The following ADAM2 variants were observed in gnomAD, a reference collection of about 807,000 sequenced individuals.
ADAM2 encodes the protein ADAM metallopeptidase domain 2.
A neutral mutation model predicts 99.3 loss-of-function variants in ADAM2; 101 were observed. The ratio of observed to expected loss-of-function variants is 1.02; its 90% CI spans 0.87 to 1.20. The LOEUF is 1.20. ADAM2 is among the 50% of genes most tolerant of loss of function. The probability of loss-of-function intolerance (pLI) is 0.00; values close to 1 mark genes in which losing one functional copy is unlikely to be tolerated. For synonymous variants in ADAM2, 323 were observed against 287.6 expected, an observed-to-expected ratio of 1.12 and a Z score of -1.25; for missense variants, 948 against 878.7, an observed-to-expected ratio of 1.08 and a Z score of -1.00.
intron 7 of ADAM2, among the ~76,000 whole-genome samples, chr8:39,795,748 AATTG>A (rs1803910882): frequency 6.6e-6 from 1 of 152,090 alleles, no homozygotes; most frequent in Non-Finnish European, 1.5e-5. Context: ...AAACTTTCTA[AATTG>A]ATTGGTACCT....
chr8:39,747,059 A>G (rs1290853230), intron 18 of ADAM2, among the ~76,000 whole-genome samples: 3 of 152,178 alleles, frequency 2.0e-5, no homozygotes, highest in African/African-American at 7.2e-5. Context: ...CTATGCCTAT[A>G]GTTTTTTGTT....
At chr8:39,807,620 A>G (rs1804494137) in intron 7 of ADAM2, among the ~76,000 whole-genome samples, 1 of 152,152 alleles carries the variant, frequency 6.6e-6, no homozygotes, top group South Asian at 2.1e-4. Flanking sequence ...GGGAAGAGAT[A>G]CTAGAGAGTT....
intron 6 of ADAM2, among the ~76,000 whole-genome samples, chr8:39,812,792 G>A (rs1008998325): frequency 1.3e-5 from 2 of 152,128 alleles, no homozygotes; most frequent in African/African-American, 4.8e-5. Flanking sequence ...AGACTTAAAT[G>A]TTAGACCTAA....
intron 4 of ADAM2, among the ~76,000 whole-genome samples, chr8:39,824,319 T>C (rs1010959717): frequency 6.6e-6 from 1 of 150,790 alleles, no homozygotes; most frequent in African/African-American, 2.4e-5. Context: ...TGACTAATCC[T>C]GGCAATTTTA....
intron 15 of ADAM2, among the ~76,000 whole-genome samples, chr8:39,760,662 A>G (rs1488811429): frequency 6.6e-6 from 1 of 152,066 alleles, no homozygotes; most frequent in Non-Finnish European, 1.5e-5. Flanking sequence ...CGGAACTTGC[A>G]GTGAGCCGAG....
chr8:39,801,756 A>T (rs1400385620), intron 7 of ADAM2, among the ~76,000 whole-genome samples: 2 of 151,980 alleles, frequency 1.3e-5, no homozygotes. Context: ...CCCACTGAGG[A>T]GGATGTGTCA....
chr8:39,745,884 A>C (rs895371670), intron 19 of ADAM2, among the ~76,000 whole-genome samples: 9 of 152,138 alleles, frequency 5.9e-5, no homozygotes, highest in Non-Finnish European at 1.3e-4. Flanking sequence ...GATAAACTTT[A>C]AACTTGAATG....
chr8:39,749,935 CTG>C (rs1823656494), intron 16 of ADAM2, among the ~76,000 whole-genome samples, 191 bp from the exon 17 acceptor site: 1 of 151,978 alleles, frequency 6.6e-6, no homozygotes, highest in African/African-American at 2.4e-5. Context: ...AGATGAGACT[CTG>C]ATTATCTAGG....
intron 3 of ADAM2, among the ~76,000 whole-genome samples, chr8:39,831,797 G>A (rs1056668592): frequency 6.6e-6 from 1 of 152,086 alleles, no homozygotes; most frequent in Non-Finnish European, 1.5e-5. Context: ...AGAAATATGT[G>A]ATAGATAAGT....
In ADAM2 at chr8:39,766,705, G is replaced by C. The variant is rs978488931; in HGVS notation, c.1507+143C>G. ...TTACATGCGTGAGCCACCGCGCCTGGCCGTATTCTTCTCTTTCTATAATTC... is the reference window on the plus strand; with the variant it reads ...TTACATGCGTGAGCCACCGCGCCTGCCCGTATTCTTCTCTTTCTATAATTC... On this transcript the variant is annotated intron_variant, in intron 14 of 20. Coordinates refer to ENST00000265708, the MANE Select transcript of ADAM2 (RefSeq NM_001464.5). 92 of 699,262 alleles carry C rather than the reference G, an allele frequency of 1.3e-4. 1 individual carries two copies. The highest frequency in any genetic ancestry group is 1.9e-4 in the Non-Finnish European group (84 of 445,284). 43.3% of individuals were successfully genotyped at this position (699,262 alleles called of 1,614,324 possible). A position where few individuals can be genotyped will look rare whatever the true frequency, so the allele number is the denominator to read the frequency against.
At chr8:39,835,485 C>T (rs1269323324) in intron 2 of ADAM2, among the ~76,000 whole-genome samples, 3 of 151,906 alleles carry the variant, frequency 2.0e-5, no homozygotes, top group South Asian at 2.1e-4. Context: ...GAGATCGAGA[C>T]CATCCTGACC....
intron 14 of ADAM2, among the ~76,000 whole-genome samples, chr8:39,762,003 G>C (rs1802388455): frequency 6.6e-6 from 1 of 152,188 alleles, no homozygotes; most frequent in Admixed American, 6.5e-5. Context: ...AGAATGGCGT[G>C]AACCCTGGAG....
intron 7 of ADAM2, among the ~76,000 whole-genome samples, chr8:39,798,212 C>T (rs1804052236): frequency 6.6e-6 from 1 of 151,940 alleles, no homozygotes; most frequent in Non-Finnish European, 1.5e-5. Context: ...AGATATATTC[C>T]ATCAATACCT....
chr8:39,816,153 C>T (rs112293043), intron 6 of ADAM2, among the ~76,000 whole-genome samples: 2,894 of 152,022 alleles, frequency 0.019, 97 homozygotes, highest in African/African-American at 0.066. Context: ...AAAAATTAGC[C>T]GAGCGTGGTG....
At chr8:39,745,550 A>G (rs1823407903) in intron 19 of ADAM2, among the ~76,000 whole-genome samples, 1 of 152,066 alleles carries the variant, frequency 6.6e-6, no homozygotes, top group Non-Finnish European at 1.5e-5. Context: ...GTATTTTTAT[A>G]GCACATATTC....
intron 2 of ADAM2, among the ~76,000 whole-genome samples, chr8:39,835,813 G>A (rs1397976751): frequency 6.6e-6 from 1 of 151,784 alleles, no homozygotes; most frequent in Non-Finnish European, 1.5e-5. Flanking sequence ...TAGCATAATA[G>A]CCTAGTTTGT....
intron 4 of ADAM2, among the ~76,000 whole-genome samples, chr8:39,823,790 A>G (rs1291693982): frequency 6.6e-6 from 1 of 152,096 alleles, no homozygotes; most frequent in African/African-American, 2.4e-5. Context: ...AGACTACTCT[A>G]TAACTGACTC....
At chr8:39,803,174 A>G (rs979865765) in intron 7 of ADAM2, among the ~76,000 whole-genome samples, 9 of 152,204 alleles carry the variant, frequency 5.9e-5, no homozygotes, top group Non-Finnish European at 1.3e-4. Context: ...GATGACTGAG[A>G]GTGGCACTAA....
chr8:39,761,040 A>T, intron 15 of ADAM2, 136 bp downstream of exon 15: 1 of 484,190 alleles, frequency 2.1e-6, no homozygotes, highest in Non-Finnish European at 3.5e-6. Context: ...TGTGTCTATG[A>T]TATTTATAAT....
Sources: gnomAD v4.1 joint callset for allele counts (sites outside exome capture counted in the v4.1 genomes callset) on GRCh38, gnomAD v4.1.1 for gene constraint, MANE v1.5 for transcripts, NCBI Gene and HGNC (gene_info 2026-07-23, HGNC 2026-07-21) for gene names.